The following RBFOX1 variants were observed in gnomAD, a reference collection of about 807,000 sequenced individuals.
The protein encoded by RBFOX1 is RNA binding fox-1 homolog 1.
Under a neutral mutation model 57.7 loss-of-function variants are expected in RBFOX1, and 8 were observed. The ratio of observed to expected loss-of-function variants is 0.14; its 90% CI spans 0.08 to 0.25. The LOEUF (loss-of-function observed/expected upper bound fraction) is 0.25, where lower values mean the gene tolerates loss of function less well. Among genes scored for constraint, RBFOX1 ranks in the 10% least tolerant of loss-of-function variants. The pLI, the probability that RBFOX1 is intolerant of heterozygous loss-of-function variation, is 1.00. For missense variants in RBFOX1, 611 were observed against 548.5 expected (o/e 1.11, Z -1.14); for synonymous variants, 326 against 222.4 (o/e 1.47, Z -4.15).
intron 4 of RBFOX1, among the ~76,000 whole-genome samples, chr16:7,186,597 TATATAA>T (rs1401708172): frequency 7.1e-6 from 1 of 141,300 alleles, no homozygotes; most frequent in Non-Finnish European, 1.5e-5. Context: ...TAAACATATT[TATATAA>T]ATATAAGCAT....
chr16:6,805,270 T>C (rs377387170), intron 3 of RBFOX1, among the ~76,000 whole-genome samples: 70 of 152,282 alleles, frequency 4.6e-4, no homozygotes, highest in African/African-American at 1.7e-3. Context: ...CCATTTTCCT[T>C]AGCAAACTAT....
chr16:7,118,710 T>G lies in RBFOX1; in HGVS notation c.27+66612T>G, dbSNP rs148173566. Among the ~76,000 whole-genome samples the G allele has an allele frequency of 1.2e-4, 18 of 152,250 alleles. No individual in the cohort carries two copies. In the East Asian group the frequency reaches 3.3e-3, roughly 28 times the overall value. Reference sequence around the variant, plus strand: ...GGAGGGATTAGTAAAGGCGTGAATGTTAGGATGTGGGGATCATGGTGAGAA... The same window carrying G: ...GGAGGGATTAGTAAAGGCGTGAATGGTAGGATGTGGGGATCATGGTGAGAA... On this transcript the variant is annotated intron_variant, in intron 4 of 15. Transcript: ENST00000550418.
chr16:5,325,833 G>T (rs779605138), intron 1 of RBFOX1, among the ~76,000 whole-genome samples: 1 of 152,148 alleles, frequency 6.6e-6, no homozygotes, highest in Non-Finnish European at 1.5e-5. Context: ...CCCTCTGAGG[G>T]ATATTTGAGT....
At position 7,579,837 on chromosome 16, in the gene RBFOX1, G is replaced by A; in HGVS notation, c.331G>A (p.Glu111Lys). 1 of 1,614,048 alleles carries A rather than the reference G, an allele frequency of 6.2e-7. No individual in the cohort carries two copies. Residue 111 changes from glutamate (E) to lysine (K), a missense_variant, in exon 6 of 16, where the codon GAA becomes AAA. Physicochemically the swap from Glu to Lys is moderately conservative, Grantham distance 56. Transcript: ENST00000550418. The part of the protein sequence containing the change: ...QPQTQPSENT[E>K]NKSQPKRLHV... Reference sequence around the variant, plus strand: ...CCAGACACAACCTTCTGAAAACACGGAAAACAAGTCTCAGCCCAAGCGGCT... The same window carrying A: ...CCAGACACAACCTTCTGAAAACACGAAAAACAAGTCTCAGCCCAAGCGGCT...
At chr16:5,544,887 A>G (rs1327616766) in intron 2 of RBFOX1, among the ~76,000 whole-genome samples, 1 of 146,748 alleles carries the variant, frequency 6.8e-6, no homozygotes, top group Non-Finnish European at 1.5e-5. Context: ...TTAGAGATTG[A>G]ATTTGTAGTT....
At chr16:6,090,907 A>G (rs2096162275) in intron 1 of RBFOX1, among the ~76,000 whole-genome samples, 1 of 152,252 alleles carries the variant, frequency 6.6e-6, no homozygotes, top group African/African-American at 2.4e-5. Context: ...GAATAAAAGC[A>G]AAACTTAAAA....
chr16:6,824,531 A>T, intron 3 of RBFOX1, among the ~76,000 whole-genome samples: 1 of 152,216 alleles, frequency 6.6e-6, no homozygotes, highest in East Asian at 1.9e-4. Flanking sequence ...TAACATGTTG[A>T]GTATATCTCC....
At chr16:7,549,111 G>A (rs558666136) in intron 5 of RBFOX1, among the ~76,000 whole-genome samples, 2 of 152,358 alleles carry the variant, frequency 1.3e-5, no homozygotes, top group Admixed American at 6.5e-5. Flanking sequence ...GGAGGATCCA[G>A]TCTGGTAAAC....
chr16:5,648,144 G>C (rs532885974), intron 3 of RBFOX1, among the ~76,000 whole-genome samples: 1 of 152,284 alleles, frequency 6.6e-6, no homozygotes, highest in Admixed American at 6.5e-5. Context: ...ACAGGCATGA[G>C]CCACTGCACC....
chr16:7,446,147 A>G (rs1324593768), intron 4 of RBFOX1, among the ~76,000 whole-genome samples: 1 of 152,222 alleles, frequency 6.6e-6, no homozygotes, highest in Non-Finnish European at 1.5e-5. Flanking sequence ...ACACCAGAGA[A>G]GGAAAGAGCA....
chr16:7,488,169 C>G (rs1567453815), intron 4 of RBFOX1, among the ~76,000 whole-genome samples: 1 of 152,134 alleles, frequency 6.6e-6, no homozygotes. Context: ...ATGAGCTGGT[C>G]CTGCTCACAT....
chr16:5,362,085 C>A (rs1160580741), intron 1 of RBFOX1, among the ~76,000 whole-genome samples: 2 of 152,208 alleles, frequency 1.3e-5, no homozygotes, highest in African/African-American at 2.4e-5. Context: ...TAATATTGAA[C>A]ATGAGATCTG....
chr16:7,433,363 C>G (rs192443387), intron 4 of RBFOX1, among the ~76,000 whole-genome samples: 12 of 152,338 alleles, frequency 7.9e-5, no homozygotes, highest in Admixed American at 7.8e-4. Context: ...CTCACTGATA[C>G]TTTTTCTCCT....
intron 4 of RBFOX1, among the ~76,000 whole-genome samples, chr16:7,360,125 G>T (rs2097293693): frequency 6.6e-6 from 1 of 152,184 alleles, no homozygotes; most frequent in Non-Finnish European, 1.5e-5. Flanking sequence ...CCAAAAGACA[G>T]ATGGATGGAA....
chr16:6,315,563 G>A (rs1183070027), intron 1 of RBFOX1, among the ~76,000 whole-genome samples: 1 of 71,942 alleles, frequency 1.4e-5, no homozygotes, highest in Admixed American at 1.4e-4. Context: ...ATGGATGGAT[G>A]GATGGATGGA....
chr16:7,511,901 T>C (rs1350357566), intron 4 of RBFOX1, among the ~76,000 whole-genome samples: 2 of 152,178 alleles, frequency 1.3e-5, no homozygotes, highest in African/African-American at 2.4e-5. Context: ...CCTTCTTTCA[T>C]CCTCCTTTTG....
At chr16:5,892,653 G>A (rs1238725153) in intron 4 of RBFOX1, among the ~76,000 whole-genome samples, 1 of 152,220 alleles carries the variant, frequency 6.6e-6, no homozygotes, top group Non-Finnish European at 1.5e-5. Context: ...CTCTGAGGAA[G>A]ATCAAATTCA....
intron 3 of RBFOX1, among the ~76,000 whole-genome samples, chr16:6,861,340 A>C (rs190112488): frequency 6.6e-6 from 1 of 152,198 alleles, no homozygotes; most frequent in Admixed American, 6.5e-5. Flanking sequence ...TGTTAAGGGC[A>C]GATGAGTAAA....
intron 2 of RBFOX1, among the ~76,000 whole-genome samples, chr16:6,411,739 T>A (rs1031985676): frequency 2.6e-5 from 4 of 152,264 alleles, no homozygotes; most frequent in African/African-American, 9.6e-5. Flanking sequence ...GTCATTATGT[T>A]ACTTTGCATA....
Sources: gnomAD v4.1 joint callset for allele counts (sites outside exome capture counted in the v4.1 genomes callset) on GRCh38, gnomAD v4.1.1 for gene constraint, MANE v1.5 for transcripts, NCBI Gene and HGNC (gene_info 2026-07-23, HGNC 2026-07-21) for gene names.